The following SKOR2 variants were observed in gnomAD, a reference collection of about 807,000 sequenced individuals.
SKOR2 encodes LBX1 corepressor 1-like protein.
In SKOR2, 47 loss-of-function variants were observed where a neutral mutation model predicts 69.1. The observed-to-expected ratio is 0.68, with a 90% CI of 0.54 to 0.87. The LOEUF is 0.87. Ranked by LOEUF, SKOR2 falls within the 40% of genes least tolerant of loss-of-function variation. The pLI, the probability that SKOR2 is intolerant of heterozygous loss-of-function variation, is 0.00. For synonymous variants in SKOR2, 717 were observed against 672.6 expected (o/e 1.07, Z -1.02); for missense variants, 1,404 against 1,472.2 (o/e 0.95, Z 0.76).
At position 47,248,719 on chromosome 18, in the gene SKOR2, G is replaced by T; in HGVS notation, c.465C>A (p.Cys155Ter). The change falls in exon 2 of 9, where the codon TGC becomes TGA. Residue 155 changes from cysteine to a stop codon, truncating the protein, a stop_gained. Coordinates refer to ENST00000425639, the MANE Select transcript of SKOR2 (RefSeq NM_001278063.4). LOFTEE classifies it high-confidence loss of function. The surrounding 1 kb of genome is among the most constrained non-coding windows in gnomAD (Gnocchi z 6.4). ...FDVSHECAWGCRGSFIPARYN... is the reference protein window; with the variant it reads ...FDVSHECAWG ...AGCGCGCGGGAATGAAGCTGCCGCG[G>T]CAGCCCCAGGCGCACTCGTGTGACA... The T allele has an allele frequency of 6.4e-7, 1 of 1,555,544 alleles. No individual in the cohort carries two copies.
chr18:47,235,503 G>A (rs1335069940), intron 4 of SKOR2, among the ~76,000 whole-genome samples: 4 of 152,168 alleles, frequency 2.6e-5, no homozygotes, highest in African/African-American at 4.8e-5. Flanking sequence ...AGGCAGCATC[G>A]TGCCATATCA....
At chr18:47,223,903 C>CTT (rs35581562) in intron 6 of SKOR2, among the ~76,000 whole-genome samples, 1 of 146,100 alleles carries the variant, frequency 6.8e-6, no homozygotes, top group Non-Finnish European at 1.5e-5. Flanking sequence ...TTTCTATGTT[C>CTT]TTTTTTTTTT....
chr18:47,231,537 G>GT (rs200401510), intron 4 of SKOR2, among the ~76,000 whole-genome samples: 103 of 151,080 alleles, frequency 6.8e-4, no homozygotes, highest in Middle Eastern at 3.4e-3. Context: ...TTGATAGTTT[G>GT]TTTTTTTTTA....
intron 7 of SKOR2, among the ~76,000 whole-genome samples, chr18:47,216,289 T>A (rs1397714710): frequency 6.6e-6 from 1 of 152,216 alleles, no homozygotes. Flanking sequence ...TAACTAAATG[T>A]GGCTTAGTAA....
chr18:47,249,605 C>T (rs1032072214), intron 1 of SKOR2, among the ~76,000 whole-genome samples: 11 of 152,264 alleles, frequency 7.2e-5, no homozygotes, highest in African/African-American at 2.2e-4. Context: ...ATAAAAGTTA[C>T]GGAAAACTGG....
intron 3 of SKOR2, 56 bp from the exon 4 acceptor site, chr18:47,245,038 C>T (rs1338572424): frequency 7.0e-7 from 1 of 1,427,504 alleles, no homozygotes; most frequent in Non-Finnish European, 9.4e-7. Context: ...AAGAGGCACA[C>T]AAAGATCCAA....
At chr18:47,236,835 T>A (rs1044713745) in intron 4 of SKOR2, among the ~76,000 whole-genome samples, 1 of 152,218 alleles carries the variant, frequency 6.6e-6, no homozygotes, top group African/African-American at 2.4e-5. Context: ...TAAGGCTTTT[T>A]CAACTTCTGC....
At chr18:47,235,795 AAAAAAAC>A (rs1458758909) in intron 4 of SKOR2, among the ~76,000 whole-genome samples, 1 of 151,484 alleles carries the variant, frequency 6.6e-6, no homozygotes, top group Admixed American at 6.6e-5. Flanking sequence ...AAAAAAAAAA[AAAAAAAC>A]AGCCAACAGA....
chr18:47,245,633 G>A (rs781223663), intron 2 of SKOR2, 72 bp from the exon 3 acceptor site: 16 of 1,374,838 alleles, frequency 1.2e-5, no homozygotes, highest in East Asian at 2.6e-5. Flanking sequence ...ACAGTCAGCA[G>A]GAAGAAGCAT....
intron 6 of SKOR2, among the ~76,000 whole-genome samples, chr18:47,221,061 T>A (rs1268857046): frequency 3.3e-5 from 5 of 152,196 alleles, no homozygotes; most frequent in Non-Finnish European, 5.9e-5. Flanking sequence ...AATTCCCTGC[T>A]TAAAAATCTC....
chr18:47,247,000 G>C lies in SKOR2; in HGVS notation c.2184C>G (p.Ser728Arg). 2 of 1,496,628 alleles carry C rather than the reference G, an allele frequency of 1.3e-6. No individual in the cohort carries two copies. The highest frequency in any genetic ancestry group is 2.8e-5 in the East Asian group (1 of 35,244). The allele number at this position is 1,496,628 out of a possible 1,614,324, so 92.7% of individuals were successfully genotyped here. Residue 728 changes from serine (S) to arginine (R), a missense_variant, in exon 2 of 9, where the codon AGC becomes AGG. Around this residue, in one of 3 missense-constraint regions of SKOR2, gnomAD observed 1,266 missense variants for 1,309.9 expected, o/e 0.97. Coordinates refer to ENST00000425639, the MANE Select transcript of SKOR2 (RefSeq NM_001278063.4). ...CGTCCTCGTCCTCGGAGCTGTCCTC[G>C]CTGGGGTAGCAGCAGCTGGTTCCCC... Reference protein sequence around the residue: ...SPGGTSCCYPSEDSSEDEDDE... With the variant: ...SPGGTSCCYPREDSSEDEDDE...
intron 4 of SKOR2, among the ~76,000 whole-genome samples, chr18:47,239,527 C>T (rs1349507973): frequency 3.9e-5 from 6 of 152,208 alleles, no homozygotes; most frequent in Non-Finnish European, 7.3e-5. Flanking sequence ...AAGGTGCATA[C>T]ACGTTGCATC....
chr18:47,231,175 G>T, intron 4 of SKOR2, 175 bp from the exon 5 acceptor site: 1 of 1,536,006 alleles, frequency 6.5e-7, no homozygotes, highest in Non-Finnish European at 8.7e-7. Flanking sequence ...CTGAAACACG[G>T]AGGGGAGGTG....
chr18:47,212,797 G>T (rs2064131692), intron 7 of SKOR2, among the ~76,000 whole-genome samples: 1 of 151,894 alleles, frequency 6.6e-6, no homozygotes, highest in Admixed American at 6.6e-5. Context: ...ACATAGGAAG[G>T]CTCTGTCTCT....
At chr18:47,211,227 CT>C (rs1204817969) in intron 8 of SKOR2, among the ~76,000 whole-genome samples, 1 of 152,152 alleles carries the variant, frequency 6.6e-6, no homozygotes, top group Non-Finnish European at 1.5e-5. Flanking sequence ...AAGAGTCATT[CT>C]GATGGGAATG....
Position 47,247,101 on chromosome 18 carries a change from G to GC in SKOR2, c.2082_2083insG (p.Pro695AlafsTer70), listed in dbSNP as rs1568091104. 1.5e-6 allele frequency: 2 copies of GC among 1,335,652 alleles called. No homozygotes were observed. Among genetic ancestry groups the GC allele is most frequent in the South Asian group, 4.2e-5 (2 of 47,882 alleles). 82.7% of individuals were successfully genotyped at this position (1,335,652 alleles called of 1,614,324 possible). ...GGGGGCGGCGGCGGCGGCGGCGGCGGGGCCGGGTGGTGGCGCTCGGAACCC... is the reference window on the plus strand; with the variant it reads ...GGGGGCGGCGGCGGCGGCGGCGGCGGCGGCCGGGTGGTGGCGCTCGGAACCC... On this transcript the variant is annotated frameshift_variant, in exon 2 of 9. Coordinates refer to ENST00000425639, the MANE Select transcript of SKOR2 (RefSeq NM_001278063.4). LOFTEE classifies it high-confidence loss of function. This position sits in a 1 kb window ranked among gnomAD's most constrained non-coding sequence, Gnocchi z 6.6.
At chr18:47,250,896 C>G (rs1426087085) in intron 1 of SKOR2, among the ~76,000 whole-genome samples, 1 of 152,100 alleles carries the variant, frequency 6.6e-6, no homozygotes, top group Non-Finnish European at 1.5e-5. Context: ...ATTTCCCTAC[C>G]AAACAAGATT....
At chr18:47,226,284 C>G (rs2064178371) in intron 6 of SKOR2, among the ~76,000 whole-genome samples, 1 of 152,200 alleles carries the variant, frequency 6.6e-6, no homozygotes, top group South Asian at 2.1e-4. Flanking sequence ...GCAAACATAA[C>G]TTCTGGATTT....
At chr18:47,218,666 T>G (rs966966565) in intron 7 of SKOR2, among the ~76,000 whole-genome samples, 1 of 151,502 alleles carries the variant, frequency 6.6e-6, no homozygotes, top group South Asian at 2.1e-4. Context: ...TATATTCCCC[T>G]ACATCGAATC....
Sources: allele counts gnomAD v4.1 joint callset (sites outside exome capture counted in the v4.1 genomes callset), GRCh38; gene constraint gnomAD v4.1.1; regional missense constraint gnomAD v4.1.1; non-coding constraint Gnocchi (gnomAD v3.1); transcripts MANE v1.5; gene names NCBI Gene and HGNC (gene_info 2026-07-23, HGNC 2026-07-21).